Variants in DPYSL2 observed in about 807,000 individuals in gnomAD.
DPYSL2 encodes dihydropyrimidinase like 2, also known as dihydropyrimidinase-related protein 2.
A neutral mutation model predicts 69.9 loss-of-function variants in DPYSL2; 13 were observed. The ratio of observed to expected loss-of-function variants is 0.19; its 90% CI spans 0.12 to 0.30. The LOEUF is 0.30. Ranked by LOEUF, DPYSL2 falls within the 10% of genes least tolerant of loss-of-function variation. DPYSL2 has a pLI of 1.00. For missense variants in DPYSL2, 587 were observed against 918.9 expected (o/e 0.64, Z 4.67); for synonymous variants, 326 against 359.1 (o/e 0.91, Z 1.04).
intron 1 of DPYSL2, among the ~76,000 whole-genome samples, chr8:26,530,159 G>GA (rs1800481477): frequency 7.1e-6 from 1 of 140,780 alleles, no homozygotes; most frequent in African/African-American, 2.6e-5. Flanking sequence ...AGAATTAACT[G>GA]AAAAGAAAAA....
chr8:26,567,015 T>C (rs1336466050), intron 1 of DPYSL2, among the ~76,000 whole-genome samples: 1 of 151,668 alleles, frequency 6.6e-6, no homozygotes, highest in Non-Finnish European at 1.5e-5. Flanking sequence ...TCATCCATTA[T>C]TCATCCACCC....
At chr8:26,581,134 G>T (rs1383279054) in intron 1 of DPYSL2, among the ~76,000 whole-genome samples, 1 of 152,058 alleles carries the variant, frequency 6.6e-6, no homozygotes, top group African/African-American at 2.4e-5. Context: ...TGCTATACTT[G>T]CTGTGATTTA....
In DPYSL2 at chr8:26,616,928, G is replaced by A. The variant is rs570655160; in HGVS notation, c.629-7215G>A. 2.6e-5 allele frequency among the ~76,000 whole-genome samples: 4 copies of A among 152,264 alleles called. No individual in the cohort carries two copies. The East Asian group carries it at 7.7e-4, about 29-fold the overall frequency. ...ATGGGATCAGAGGGCAGGGTGGAGGGTTACACATCCTCTCCCCTCCCTCCT... is the reference window on the plus strand; with the variant it reads ...ATGGGATCAGAGGGCAGGGTGGAGGATTACACATCCTCTCCCCTCCCTCCT... On this transcript the variant is annotated intron_variant, in intron 3 of 13. Coordinates refer to ENST00000521913, the MANE Select transcript of DPYSL2 (RefSeq NM_001197293.3).
intron 7 of DPYSL2, among the ~76,000 whole-genome samples, chr8:26,629,555 C>T (rs1159281298): frequency 6.6e-6 from 1 of 152,198 alleles, no homozygotes; most frequent in Non-Finnish European, 1.5e-5. Flanking sequence ...TCAACCTTCT[C>T]ATGCGTGCTA....
At position 26,556,167 on chromosome 8, in the gene DPYSL2, C is replaced by CTA. The variant is rs1563384974; in HGVS notation, c.355-25795_355-25794dup. 6.4e-3 allele frequency among the ~76,000 whole-genome samples: 106 copies of CTA among 16,664 alleles called. 8 individuals carry two copies. Among genetic ancestry groups the CTA allele is most frequent in the East Asian group, 0.043 (7 of 162 alleles). 10.9% of individuals were successfully genotyped at this position (16,664 alleles called of 152,430 possible). On this transcript the variant is annotated intron_variant, in intron 1 of 13. Transcript: ENST00000521913. ...TAGTATATACTATATATAGTATATA[C>CTA]TATATATAGTATATACTATATATAT...
At chr8:26,537,853 C>T (rs958097174) in intron 1 of DPYSL2, among the ~76,000 whole-genome samples, 3 of 152,146 alleles carry the variant, frequency 2.0e-5, no homozygotes, top group Non-Finnish European at 4.4e-5. Flanking sequence ...TTAGTAGGTC[C>T]AACATTCAAG....
rs371898183 is a variant in DPYSL2, at chr8:26,577,765, C to A, written c.355-4204C>A. On this transcript the variant is annotated intron_variant, in intron 1 of 13. Coordinates refer to ENST00000521913, the MANE Select transcript of DPYSL2 (RefSeq NM_001197293.3). Reference sequence around the variant, plus strand: ...GCTCGCGCCGCCTGCCGCCCCCGGCCGTTCACTGCCGCATTTCGCGCTCTC... The same window carrying A: ...GCTCGCGCCGCCTGCCGCCCCCGGCAGTTCACTGCCGCATTTCGCGCTCTC... 1.5e-5 allele frequency: 15 copies of A among 977,250 alleles called. No individual in the cohort carries two copies. In the African/African-American group the frequency reaches 2.5e-4, roughly 16 times the overall value. The allele number at this position is 977,250 out of a possible 1,614,324, so 60.5% of individuals were successfully genotyped here.
Position 26,629,207 on chromosome 8 carries a change from GCAGA to G in DPYSL2, c.1005+1271_1005+1274del, listed in dbSNP as rs575010374. The stretch of plus-strand genomic sequence containing the variant: ...CATGTACACACAGACATAGGCACAC[GCAGA>G]CAGGTAGGCACACAACAGACATAGA... On this transcript the variant is annotated intron_variant, in intron 7 of 13. Coordinates refer to ENST00000521913, the MANE Select transcript of DPYSL2 (RefSeq NM_001197293.3). 3.3e-5 allele frequency among the ~76,000 whole-genome samples: 5 copies of G among 151,754 alleles called. No individual in the cohort carries two copies. In the East Asian group the frequency reaches 9.7e-4, roughly 29 times the overall value.
intron 1 of DPYSL2, chr8:26,577,469 G>T (rs1801378033): frequency 1.3e-5 from 2 of 149,186 alleles, no homozygotes; most frequent in Admixed American, 6.7e-5. Context: ...CGCCAGCGAA[G>T]CCATTGGCTC....
At position 26,627,196 on chromosome 8, in the gene DPYSL2, A is replaced by C; in HGVS notation, c.856-19A>C. On this transcript the variant is annotated intron_variant, in intron 5 of 13. Coordinates refer to ENST00000521913, the MANE Select transcript of DPYSL2 (RefSeq NM_001197293.3). The surrounding 1 kb of genome is among the most constrained non-coding windows in gnomAD (Gnocchi z 6.9). ...GATGGAAGTCCCTGTCTCTGATCCCACCCTTGTCTCTCTCTCAGATTTATG... is the reference window on the plus strand; with the variant it reads ...GATGGAAGTCCCTGTCTCTGATCCCCCCCTTGTCTCTCTCTCAGATTTATG... The C allele has an allele frequency of 6.2e-7, 1 of 1,612,390 alleles. No individual in the cohort carries two copies. The highest frequency in any genetic ancestry group is 8.5e-7 in the Non-Finnish European group (1 of 1,178,536).
At chr8:26,538,083 G>A (rs1014303439) in intron 1 of DPYSL2, among the ~76,000 whole-genome samples, 1 of 152,190 alleles carries the variant, frequency 6.6e-6, no homozygotes, top group African/African-American at 2.4e-5. Flanking sequence ...ATCCTATCAT[G>A]AAGTGCAGGA....
At position 26,640,227 on chromosome 8, in the gene DPYSL2, C is replaced by T. The variant is rs1441193546; in HGVS notation, c.1127-3212C>T. On this transcript the variant is annotated intron_variant, in intron 8 of 13. Transcript: ENST00000521913. The surrounding 1 kb of genome is among the most constrained non-coding windows in gnomAD (Gnocchi z 4.2). ...GCCTTCCATTTATTCTTCATGAATG[C>T]ACACGGGCCCCAGACTGGTTGTAAA... is the stretch of plus-strand genomic sequence containing the variant. Among the ~76,000 whole-genome samples the T allele has an allele frequency of 2.0e-5, 3 of 152,216 alleles. No individual in the cohort carries two copies. Among genetic ancestry groups the T allele is most frequent in the Non-Finnish European group, 4.4e-5 (3 of 68,036 alleles).
Position 26,605,790 on chromosome 8 carries a change from A to G in DPYSL2, c.629-18353A>G, listed in dbSNP as rs1477699187. 6.6e-6 allele frequency among the ~76,000 whole-genome samples: 1 copy of G among 152,216 alleles called. No individual in the cohort carries two copies. The highest frequency in any genetic ancestry group is 2.4e-5 in the African/African-American group (1 of 41,468). Reference sequence around the variant, plus strand: ...TATAAGAATACATTCTTATATATGGAATCCAAGAAGAGTCTTAAATAAATT... The same window carrying G: ...TATAAGAATACATTCTTATATATGGGATCCAAGAAGAGTCTTAAATAAATT... On this transcript the variant is annotated intron_variant, in intron 3 of 13. Transcript: ENST00000521913. The surrounding 1 kb of genome is among the most constrained non-coding windows in gnomAD (Gnocchi z 4.1).
At chr8:26,577,750 C>T (rs1801386724) in intron 1 of DPYSL2, 1 of 957,342 alleles carries the variant, frequency 1.0e-6, no homozygotes, top group Non-Finnish European at 1.2e-6. Context: ...GCTCGCGCCG[C>T]CTGCCGCCCC....
rs1244970801 is a variant in DPYSL2 at position 26,620,256 on chromosome 8, A to AT, written c.629-3880dup. Among the ~76,000 whole-genome samples the AT allele has an allele frequency of 6.6e-6, 1 of 151,524 alleles. No homozygotes were observed. Among genetic ancestry groups the AT allele is most frequent in the Non-Finnish European group, 1.5e-5 (1 of 67,868 alleles). ...AATCTTGTGGAGGAAATGAGCTTTT[A>AT]TTTTTTTCCTTTTTTTTTGAGGCAG... is the stretch of plus-strand genomic sequence containing the variant. On this transcript the variant is annotated intron_variant, in intron 3 of 13. Transcript: ENST00000521913. This position sits in a 1 kb window ranked among gnomAD's most constrained non-coding sequence, Gnocchi z 4.5.
chr8:26,534,780 C>T (rs976604941), intron 1 of DPYSL2, among the ~76,000 whole-genome samples: 4 of 151,706 alleles, frequency 2.6e-5, no homozygotes, highest in Non-Finnish European at 4.4e-5. Context: ...CTACAGGCAT[C>T]GGCCACCATG....
intron 1 of DPYSL2, among the ~76,000 whole-genome samples, chr8:26,528,562 G>C (rs577167841): frequency 1.3e-5 from 2 of 151,618 alleles, no homozygotes; most frequent in South Asian, 4.2e-4. Context: ...CAGGAGAATC[G>C]CTTGAACCCG....
At chr8:26,615,499 G>A (rs546491047) in intron 3 of DPYSL2, among the ~76,000 whole-genome samples, 26 of 152,094 alleles carry the variant, frequency 1.7e-4, no homozygotes, top group African/African-American at 5.8e-4. Flanking sequence ...TGGATGCTGG[G>A]GTTCTCAGGT....
In DPYSL2 at chr8:26,657,851, A is replaced by G. The variant is rs1803428066; in HGVS notation, c.*2145A>G. The stretch of plus-strand genomic sequence containing the variant: ...TGTTGGCTTGCTTTGTGTGTCTGTT[A>G]AATGAATGTCATATGTAAATGCTAA... On this transcript the variant is annotated 3_prime_UTR_variant, in exon 14 of 14. Transcript: ENST00000521913. 6.6e-6 allele frequency: 1 copy of G among 152,632 alleles called. No individual in the cohort carries two copies. The highest frequency in any genetic ancestry group is 1.5e-5 in the Non-Finnish European group (1 of 68,042). 9.5% of individuals were successfully genotyped at this position (152,632 alleles called of 1,614,324 possible). A position where few individuals can be genotyped will look rare whatever the true frequency, so the allele number is the denominator to read the frequency against.
Sources: allele counts gnomAD v4.1 joint callset (sites outside exome capture counted in the v4.1 genomes callset), GRCh38; gene constraint gnomAD v4.1.1; non-coding constraint Gnocchi (gnomAD v3.1); transcripts MANE v1.5; gene names NCBI Gene and HGNC (gene_info 2026-07-23, HGNC 2026-07-21).